ULK4: variants seen among roughly 807,000 people sequenced by gnomAD.
ULK4 encodes inactive serine/threonine-protein kinase ULK4.
In ULK4, 133 loss-of-function variants were observed where a neutral mutation model predicts 160.6. That is an observed-to-expected ratio of 0.83 (90% confidence interval 0.72 to 0.96). ULK4 has a LOEUF of 0.96. ULK4 is among the 40% of genes least tolerant of loss of function. The pLI is 0.00. For missense variants in ULK4, 1,580 were observed against 1,499.5 expected, an observed-to-expected ratio of 1.05 and a Z score of -0.89; for synonymous variants, 534 against 539.8, an observed-to-expected ratio of 0.99 and a Z score of 0.15.
At chr3:41,334,550 G>A (rs2080514141) in intron 35 of ULK4, among the ~76,000 whole-genome samples, 2 of 152,116 alleles carry the variant, frequency 1.3e-5, no homozygotes, top group African/African-American at 4.8e-5. Flanking sequence ...TATAAAAAGT[G>A]AGCCACAGGA....
At chr3:41,270,711 T>C (rs3856750) in intron 35 of ULK4, among the ~76,000 whole-genome samples, 1 of 152,238 alleles carries the variant, frequency 6.6e-6, no homozygotes, top group African/African-American at 2.4e-5. Flanking sequence ...ATACTACTAA[T>C]GTCCTCATTT....
At chr3:41,368,877 TA>T (rs879501510) in intron 35 of ULK4, among the ~76,000 whole-genome samples, 11 of 152,182 alleles carry the variant, frequency 7.2e-5, no homozygotes, top group Admixed American at 3.9e-4. Flanking sequence ...CTTTTGTAAT[TA>T]AAAAAATACT....
intron 32 of ULK4, among the ~76,000 whole-genome samples, chr3:41,545,577 G>A (rs150569005): frequency 1.3e-5 from 2 of 152,078 alleles, no homozygotes; most frequent in Non-Finnish European, 2.9e-5. Context: ...CAATTTTTAG[G>A]AGTTTGACTA....
chr3:41,530,690 C>T (rs1297846534), intron 32 of ULK4, among the ~76,000 whole-genome samples: 1 of 152,206 alleles, frequency 6.6e-6, no homozygotes, highest in Non-Finnish European at 1.5e-5. Context: ...TGTAATTCAA[C>T]AACAGCTGAC....
intron 27 of ULK4, among the ~76,000 whole-genome samples, chr3:41,692,113 G>A (rs1009853496): frequency 4.0e-5 from 6 of 151,150 alleles, no homozygotes; most frequent in Admixed American, 2.0e-4. Context: ...CACCGCCCCC[G>A]GCTAATTTTT....
intron 18 of ULK4, among the ~76,000 whole-genome samples, chr3:41,834,823 C>T (rs2041705090): frequency 2.0e-5 from 3 of 152,328 alleles, no homozygotes; most frequent in South Asian, 4.1e-4. Flanking sequence ...GTGGGCGAAT[C>T]ACTTCAGCCT....
At chr3:41,748,445 T>C (rs943132267) in intron 22 of ULK4, among the ~76,000 whole-genome samples, 4 of 152,148 alleles carry the variant, frequency 2.6e-5, no homozygotes, top group African/African-American at 9.7e-5. Context: ...AGAAATATTC[T>C]GCCATAATAC....
chr3:41,773,673 T>C (rs539122294), intron 21 of ULK4, among the ~76,000 whole-genome samples: 2 of 152,202 alleles, frequency 1.3e-5, no homozygotes, highest in Admixed American at 6.5e-5. Flanking sequence ...TTCAATGCCA[T>C]ACCCATCAAG....
At chr3:41,695,035 C>T (rs2036442014) in intron 27 of ULK4, among the ~76,000 whole-genome samples, 1 of 152,204 alleles carries the variant, frequency 6.6e-6, no homozygotes, top group African/African-American at 2.4e-5. Flanking sequence ...ACGGTGCCAG[C>T]AGGTTCAATG....
intron 17 of ULK4, among the ~76,000 whole-genome samples, chr3:41,862,747 TAC>T (rs1575846427): frequency 6.6e-6 from 1 of 151,706 alleles, no homozygotes. Context: ...CTCCCGAACA[TAC>T]AGAGTCAGTC....
chr3:41,427,113 C>G (rs1354218234), intron 34 of ULK4, among the ~76,000 whole-genome samples: 1 of 152,104 alleles, frequency 6.6e-6, no homozygotes, highest in African/African-American at 2.4e-5. Context: ...CATAAACAAT[C>G]ACCAAACAAT....
chr3:41,384,278 C>T (rs114156760), intron 35 of ULK4, among the ~76,000 whole-genome samples: 447 of 151,676 alleles, frequency 2.9e-3, no homozygotes, highest in Non-Finnish European at 4.5e-3. Context: ...TTCCATAAGA[C>T]AAGTGACTCA....
chr3:41,677,295 T>A (rs966538631), intron 29 of ULK4, among the ~76,000 whole-genome samples: 1 of 151,944 alleles, frequency 6.6e-6, no homozygotes, highest in Non-Finnish European at 1.5e-5. Context: ...ATAATCCACA[T>A]GTGATAGGCA....
Position 41,336,184 on chromosome 3 carries a change from A to G in ULK4, c.3678+61895T>C, listed in dbSNP as rs147541656. 4.4e-3 allele frequency among the ~76,000 whole-genome samples: 666 copies of G among 152,310 alleles called. 6 individuals are homozygous for G. Among genetic ancestry groups the G allele is most frequent in the Middle Eastern group, 0.01 (3 of 294 alleles). On this transcript the variant is annotated intron_variant, in intron 35 of 36. Coordinates refer to ENST00000301831, the MANE Select transcript of ULK4 (RefSeq NM_017886.4). ...CCCGGCAACATGTCTGGACTCCCCA[A>G]TAGGACCCCAGTTCTGCTACCAGGA...
chr3:41,769,302 T>C (rs550002219), intron 21 of ULK4, among the ~76,000 whole-genome samples: 1 of 152,304 alleles, frequency 6.6e-6, no homozygotes, highest in Admixed American at 6.5e-5. Context: ...CCTTAAGCAA[T>C]GTGTACCACG....
rs1426882403 is a variant in ULK4, at chr3:41,463,268, G to A, written c.3227-15C>T. The stretch of plus-strand genomic sequence containing the variant: ...ACTGACAAGTCCTGAGGGTAAAAAA[G>A]GAAAAGAAAAAAACCTCATCATTAA... On this transcript the variant is annotated splice_polypyrimidine_tract_variant and intron_variant, in intron 32 of 36. Transcript: ENST00000301831. 2.8e-5 allele frequency: 44 copies of A among 1,594,652 alleles called. No homozygotes were observed. Among genetic ancestry groups the A allele is most frequent in the Admixed American group, 2.5e-4 (14 of 56,552 alleles).
chr3:41,934,986 T>G (rs1699713336), intron 4 of ULK4, among the ~76,000 whole-genome samples: 1 of 151,284 alleles, frequency 6.6e-6, no homozygotes, highest in African/African-American at 2.4e-5. Flanking sequence ...GCAGCTAAAA[T>G]ACTGTACCAT....
chr3:41,574,132 T>C (rs1280193307), intron 31 of ULK4, among the ~76,000 whole-genome samples: 3 of 152,090 alleles, frequency 2.0e-5, no homozygotes, highest in African/African-American at 4.8e-5. Context: ...TGAGCCGAGA[T>C]TGAGCCATTG....
intron 32 of ULK4, among the ~76,000 whole-genome samples, chr3:41,467,974 G>A (rs1379967480): frequency 6.6e-6 from 1 of 152,100 alleles, no homozygotes; most frequent in Non-Finnish European, 1.5e-5. Context: ...AAAACAGGTT[G>A]GGACAAACTA....
Sources: gnomAD v4.1 joint callset for allele counts (sites outside exome capture counted in the v4.1 genomes callset) on GRCh38, gnomAD v4.1.1 for gene constraint, MANE v1.5 for transcripts, NCBI Gene and HGNC (gene_info 2026-07-23, HGNC 2026-07-21) for gene names.